Variants in SLMAP observed in about 807,000 individuals in gnomAD.
SLMAP encodes sarcolemma associated protein, also known as sarcolemmal membrane-associated protein.
In SLMAP, 44 loss-of-function variants were observed where a neutral mutation model predicts 128.8. The ratio of observed to expected loss-of-function variants is 0.34; its 90% CI spans 0.27 to 0.44. The LOEUF (loss-of-function observed/expected upper bound fraction) is 0.44. Ranked by LOEUF, SLMAP falls within the 20% of genes least tolerant of loss-of-function variation. SLMAP has a pLI of 1.00. For synonymous variants in SLMAP, 327 were observed against 348.8 expected (o/e 0.94, Z 0.70); for missense variants, 787 against 985.3 (o/e 0.80, Z 2.69).
intron 2 of SLMAP, among the ~76,000 whole-genome samples, chr3:57,794,867 T>C (rs903894095): frequency 6.6e-6 from 1 of 152,256 alleles, no homozygotes; most frequent in Non-Finnish European, 1.5e-5. Flanking sequence ...TCGGCTGTTA[T>C]GAATAATGTC....
intron 17 of SLMAP, among the ~76,000 whole-genome samples, chr3:57,903,719 T>C (rs535738730): frequency 3.3e-5 from 5 of 152,340 alleles, no homozygotes; most frequent in Admixed American, 2.0e-4. Context: ...TCTAAACATA[T>C]ACAATTCATG....
intron 2 of SLMAP, among the ~76,000 whole-genome samples, chr3:57,778,386 C>T (rs1358136003): frequency 2.7e-5 from 4 of 150,712 alleles, no homozygotes; most frequent in African/African-American, 7.3e-5. Context: ...TTTTCCATTA[C>T]ACTTTGGCTA....
chr3:57,919,972 C>T (rs548753100), intron 22 of SLMAP, among the ~76,000 whole-genome samples: 1 of 152,178 alleles, frequency 6.6e-6, no homozygotes, highest in African/African-American at 2.4e-5. Context: ...TGTGGTTCTG[C>T]TTCACAACTC....
chr3:57,888,975 C>T lies in SLMAP; in HGVS notation c.1301-1066C>T, dbSNP rs2095986988. On this transcript the variant is annotated intron_variant, in intron 14 of 24. Coordinates refer to ENST00000671191, the MANE Select transcript of SLMAP (RefSeq NM_001377540.1). ...TCTCTGCTCACTGCAAGCTCCGCCT[C>T]CTGGGTTCACACCATTCTCCTGCCT... Among the ~76,000 whole-genome samples the T allele has an allele frequency of 3.3e-5, 5 of 151,942 alleles. No individual in the cohort carries two copies. In the South Asian group the frequency reaches 1.0e-3, roughly 31 times the overall value.
At chr3:57,794,378 C>A (rs1298940627) in intron 2 of SLMAP, among the ~76,000 whole-genome samples, 1 of 152,198 alleles carries the variant, frequency 6.6e-6, no homozygotes, top group East Asian at 1.9e-4. Flanking sequence ...CACATACTTA[C>A]AGTCTTATAT....
intron 2 of SLMAP, among the ~76,000 whole-genome samples, chr3:57,784,688 G>T (rs2083733584): frequency 6.6e-6 from 1 of 152,188 alleles, no homozygotes; most frequent in Non-Finnish European, 1.5e-5. Flanking sequence ...TTTGCATTGT[G>T]AGAAGGACAT....
At chr3:57,785,313 A>G (rs2083862812) in intron 2 of SLMAP, among the ~76,000 whole-genome samples, 1 of 152,210 alleles carries the variant, frequency 6.6e-6, no homozygotes, top group Non-Finnish European at 1.5e-5. Flanking sequence ...TGAGCAGTTG[A>G]AAATTTATAC....
intron 2 of SLMAP, chr3:57,800,969 A>G: frequency 3.5e-6 from 1 of 288,696 alleles, no homozygotes; most frequent in Non-Finnish European, 6.8e-6. Flanking sequence ...ATACATATGC[A>G]TTGATCCTAC....
In SLMAP at chr3:57,757,514, G is replaced by C; in HGVS notation, c.-138G>C. On this transcript the variant is annotated 5_prime_UTR_variant, in exon 2 of 25. Transcript: ENST00000671191. Reference sequence around the variant, plus strand: ...CCAAGTGAAGAGTTGATGTTCACTGGTTATGCTTAGACAATGTGCAGTTTG... The same window carrying C: ...CCAAGTGAAGAGTTGATGTTCACTGCTTATGCTTAGACAATGTGCAGTTTG... The C allele has an allele frequency of 1.4e-6, 1 of 737,546 alleles. No homozygotes were observed. Among genetic ancestry groups the C allele is most frequent in the South Asian group, 1.7e-5 (1 of 58,510 alleles). 45.7% of individuals were successfully genotyped at this position (737,546 alleles called of 1,614,324 possible).
chr3:57,768,316 A>G (rs989613907), intron 2 of SLMAP, among the ~76,000 whole-genome samples: 12 of 152,200 alleles, frequency 7.9e-5, no homozygotes, highest in South Asian at 2.1e-4. Flanking sequence ...TTATTTATAT[A>G]TAAGTACTGA....
At chr3:57,817,019 TTTTGAAAGAC>T (rs1446336447) in intron 2 of SLMAP, among the ~76,000 whole-genome samples, 7 of 152,190 alleles carry the variant, frequency 4.6e-5, no homozygotes, top group Non-Finnish European at 7.3e-5. Flanking sequence ...ATTAGGGTCA[TTTTGAAAGAC>T]TTTGAAAGTC....
intron 2 of SLMAP, among the ~76,000 whole-genome samples, chr3:57,804,496 G>A (rs1370121858): frequency 6.6e-6 from 1 of 152,170 alleles, no homozygotes; most frequent in African/African-American, 2.4e-5. Flanking sequence ...TATAATCCCA[G>A]CACTTTGGGA....
intron 6 of SLMAP, among the ~76,000 whole-genome samples, chr3:57,852,493 G>A (rs1478406427): frequency 6.6e-6 from 1 of 152,068 alleles, no homozygotes; most frequent in Non-Finnish European, 1.5e-5. Flanking sequence ...TCTGTGAAAT[G>A]GATATAGTAA....
At chr3:57,806,318 T>C (rs1330774677) in intron 2 of SLMAP, among the ~76,000 whole-genome samples, 1 of 152,202 alleles carries the variant, frequency 6.6e-6, no homozygotes, top group African/African-American at 2.4e-5. Flanking sequence ...TTTGGTTTTC[T>C]GTTTCTGTAT....
chr3:57,807,362 G>A (rs2090092861), intron 2 of SLMAP, among the ~76,000 whole-genome samples: 1 of 152,146 alleles, frequency 6.6e-6, no homozygotes, highest in Admixed American at 6.5e-5. Context: ...AAGCATTCTT[G>A]TCTTGTGCTG....
At chr3:57,904,769 C>T (rs1212341912) in intron 17 of SLMAP, among the ~76,000 whole-genome samples, 2 of 151,964 alleles carry the variant, frequency 1.3e-5, no homozygotes, top group Non-Finnish European at 2.9e-5. Context: ...GGGGTGTGGG[C>T]CAGGGTGGAG....
At chr3:57,870,634 T>G (rs1182316736) in intron 13 of SLMAP, among the ~76,000 whole-genome samples, 3 of 152,104 alleles carry the variant, frequency 2.0e-5, no homozygotes, top group Non-Finnish European at 2.9e-5. Flanking sequence ...ATGATCTAAG[T>G]AGGTAGTGTC....
intron 6 of SLMAP, among the ~76,000 whole-genome samples, chr3:57,851,477 G>GTT (rs1179331421): frequency 4.5e-5 from 6 of 133,580 alleles, no homozygotes; most frequent in Admixed American, 1.5e-4. Context: ...TTTTGTTTTT[G>GTT]TTTTTTTTTT....
At chr3:57,900,923 C>T (rs930742964) in intron 17 of SLMAP, 7 of 152,146 alleles carry the variant, frequency 4.6e-5, no homozygotes, top group Admixed American at 6.5e-5. Flanking sequence ...ACAAACAGGC[C>T]GTGAACACTC....
Sources: gnomAD v4.1 joint callset for allele counts (sites outside exome capture counted in the v4.1 genomes callset) on GRCh38, gnomAD v4.1.1 for gene constraint, MANE v1.5 for transcripts, NCBI Gene and HGNC (gene_info 2026-07-23, HGNC 2026-07-21) for gene names.